Variants in UBE2E1 observed in about 807,000 individuals in gnomAD.
UBE2E1 encodes ubiquitin conjugating enzyme E2 E1.
A neutral mutation model predicts 21.4 loss-of-function variants in UBE2E1; 6 were observed. The ratio of observed to expected loss-of-function variants is 0.28; its 90% confidence interval spans 0.15 to 0.55. The LOEUF (loss-of-function observed/expected upper bound fraction) is 0.55, where lower values mean the gene tolerates loss of function less well. UBE2E1 is among the 20% of genes least tolerant of loss of function. The pLI is 0.93. For synonymous variants in UBE2E1, 87 were observed against 82.7 expected (o/e 1.05, Z -0.28); for missense variants, 142 against 236.5 (o/e 0.60, Z 2.62).
chr3:23,815,897 C>T (rs1440676405), intron 3 of UBE2E1, among the ~76,000 whole-genome samples: 1 of 152,108 alleles, frequency 6.6e-6, no homozygotes, highest in East Asian at 1.9e-4. Flanking sequence ...GTGTGTATAC[C>T]TTTATGCATG....
intron 3 of UBE2E1, among the ~76,000 whole-genome samples, chr3:23,826,646 T>C (rs973765669): frequency 6.6e-6 from 1 of 152,214 alleles, no homozygotes; most frequent in Non-Finnish European, 1.5e-5. Context: ...CCCAAATCTG[T>C]GATATGACTA....
At position 23,876,112 on chromosome 3, in the gene UBE2E1, G is replaced by C. The variant is rs1056719894; in HGVS notation, c.204-11455G>C. The stretch of plus-strand genomic sequence containing the variant: ...GTGTGTGGGTACTAGTTTTTCTGGG[G>C]AGCCCTTTAGGTTGGCTCTAGGTCT... On this transcript the variant is annotated intron_variant, in intron 3 of 5. Transcript: ENST00000306627. The surrounding 1 kb of genome is among the most constrained non-coding windows in gnomAD (Gnocchi z 4.3). Among the ~76,000 whole-genome samples, 3 of 152,276 alleles carry C rather than the reference G, an allele frequency of 2.0e-5. No individual in the cohort carries two copies. In the South Asian group the frequency reaches 6.2e-4, roughly 32 times the overall value.
intron 3 of UBE2E1, among the ~76,000 whole-genome samples, chr3:23,837,380 A>G (rs1054677573): frequency 1.3e-5 from 2 of 152,206 alleles, no homozygotes; most frequent in Non-Finnish European, 2.9e-5. Flanking sequence ...CAAACCCAGC[A>G]CTAATACTTG....
intron 3 of UBE2E1, among the ~76,000 whole-genome samples, chr3:23,884,542 A>G (rs553060822): frequency 1.9e-4 from 29 of 152,180 alleles, no homozygotes; most frequent in Admixed American, 5.9e-4. Flanking sequence ...GGAATCACCA[A>G]TTTTCTGTAC....
intron 3 of UBE2E1, among the ~76,000 whole-genome samples, chr3:23,845,652 A>G (rs1365318888): frequency 7.6e-6 from 1 of 131,362 alleles, no homozygotes. Context: ...TTTTCTTTTT[A>G]AACAAAACCT....
rs942231509 is a variant in UBE2E1, at chr3:23,876,814, C to G, written c.204-10753C>G. Among the ~76,000 whole-genome samples, 3 of 152,028 alleles carry G rather than the reference C, an allele frequency of 2.0e-5. No individual in the cohort carries two copies. Among genetic ancestry groups the G allele is most frequent in the Non-Finnish European group, 4.4e-5 (3 of 67,990 alleles). ...AATGTCAGTGCTTTCAGAGGCCAAGCAGAAGTATCGCTTGAGCCCAGGAGT... is the reference window on the plus strand; with the variant it reads ...AATGTCAGTGCTTTCAGAGGCCAAGGAGAAGTATCGCTTGAGCCCAGGAGT... On this transcript the variant is annotated intron_variant, in intron 3 of 5. Transcript: ENST00000306627. The surrounding 1 kb of genome is among the most constrained non-coding windows in gnomAD (Gnocchi z 4.3).
At chr3:23,849,702 G>A (rs1335462825) in intron 3 of UBE2E1, among the ~76,000 whole-genome samples, 7 of 152,074 alleles carry the variant, frequency 4.6e-5, no homozygotes, top group Non-Finnish European at 8.8e-5. Flanking sequence ...CTTTTTTATG[G>A]CTGCATAGTA....
intron 3 of UBE2E1, among the ~76,000 whole-genome samples, chr3:23,849,820 G>A (rs995658067): frequency 1.3e-5 from 2 of 152,150 alleles, no homozygotes; most frequent in African/African-American, 4.8e-5. Context: ...ATAAACGTAT[G>A]TGTGCAGTGT....
chr3:23,888,918 A>G (rs535844806), intron 4 of UBE2E1, among the ~76,000 whole-genome samples, 194 bp from the exon 5 acceptor site: 30 of 152,374 alleles, frequency 2.0e-4, no homozygotes, highest in African/African-American at 7.0e-4. Context: ...GTCAGTGGAC[A>G]TAACATTTTA....
Position 23,853,037 on chromosome 3 carries a change from C to G in UBE2E1, c.204-34530C>G, listed in dbSNP as rs140115887. Among the ~76,000 whole-genome samples the G allele has an allele frequency of 2.7e-3, 409 of 152,244 alleles. 4 individuals are homozygous for G. Among genetic ancestry groups the G allele is most frequent in the African/African-American group, 9.1e-3 (377 of 41,538 alleles). ...GTTCAAGTGATTCTCCTGCCTCAGC[C>G]TCCCAAGTAGCTGGGATTACAGGCA... On this transcript the variant is annotated intron_variant, in intron 3 of 5. Coordinates refer to ENST00000306627, the MANE Select transcript of UBE2E1 (RefSeq NM_003341.5). This position sits in a 1 kb window ranked among gnomAD's most constrained non-coding sequence, Gnocchi z 4.1.
chr3:23,828,078 C>T (rs1446638168), intron 3 of UBE2E1, among the ~76,000 whole-genome samples: 2 of 152,164 alleles, frequency 1.3e-5, no homozygotes, highest in African/African-American at 4.8e-5. Flanking sequence ...AAACATTTAT[C>T]ACATTGAGTT....
Position 23,863,905 on chromosome 3 carries a change from ACT to A in UBE2E1, c.204-23659_204-23658del, listed in dbSNP as rs1445695945. 1.3e-5 allele frequency among the ~76,000 whole-genome samples: 2 copies of A among 151,928 alleles called. No homozygotes were observed. Among genetic ancestry groups the A allele is most frequent in the African/African-American group, 2.4e-5 (1 of 41,336 alleles). Reference sequence around the variant, plus strand: ...TCTGGTTTTAACAGGCTACCTGCTAACTCTGTTTATAGCTGTCATACCGGATT... The same window carrying A: ...TCTGGTTTTAACAGGCTACCTGCTAACTGTTTATAGCTGTCATACCGGATT... On this transcript the variant is annotated intron_variant, in intron 3 of 5. Transcript: ENST00000306627. This position sits in a 1 kb window ranked among gnomAD's most constrained non-coding sequence, Gnocchi z 4.3.
chr3:23,814,635 C>T (rs1255517826), intron 3 of UBE2E1, among the ~76,000 whole-genome samples: 1 of 152,148 alleles, frequency 6.6e-6, no homozygotes, highest in East Asian at 1.9e-4. Context: ...CTAAAGCGTG[C>T]CAGATCTTAG....
Position 23,890,681 on chromosome 3 carries a change from A to C in UBE2E1, c.*75A>C. On this transcript the variant is annotated 3_prime_UTR_variant, in exon 6 of 6. Coordinates refer to ENST00000306627, the MANE Select transcript of UBE2E1 (RefSeq NM_003341.5). ...GCTTATGATTTTGAAGGGGTCAGGG[A>C]GGGTGGGAGTTGGTAAAGAGTAGGG... 6.7e-6 allele frequency: 4 copies of C among 595,716 alleles called. No homozygotes were observed. Among genetic ancestry groups the C allele is most frequent in the Non-Finnish European group, 1.2e-5 (4 of 345,502 alleles). 36.9% of individuals were successfully genotyped at this position (595,716 alleles called of 1,614,324 possible). A position where few individuals can be genotyped will look rare whatever the true frequency, so the allele number is the denominator to read the frequency against.
intron 3 of UBE2E1, among the ~76,000 whole-genome samples, chr3:23,835,326 G>C (rs78598030): frequency 8.9e-4 from 135 of 152,248 alleles, no homozygotes; most frequent in Non-Finnish European, 1.4e-3. Flanking sequence ...AAATTAGCTA[G>C]ATGTGCTGGT....
chr3:23,848,476 A>C (rs536442515), intron 3 of UBE2E1, among the ~76,000 whole-genome samples: 3,111 of 152,188 alleles, frequency 0.02, 97 homozygotes, highest in Admixed American at 0.09. Flanking sequence ...TCTCAAAAAA[A>C]AAAAAACAAA....
chr3:23,890,429 C>T (rs1398456445), intron 5 of UBE2E1, 80 bp from the exon 6 acceptor site: 11 of 1,361,224 alleles, frequency 8.1e-6, no homozygotes, highest in Non-Finnish European at 1.1e-5. Context: ...TCGTACGTAT[C>T]TACCCAAGCT....
chr3:23,846,400 T>TA (rs1467961221), intron 3 of UBE2E1, among the ~76,000 whole-genome samples: 6 of 151,618 alleles, frequency 4.0e-5, no homozygotes, highest in Admixed American at 6.6e-5. Context: ...CACAGTCTCT[T>TA]AAAAAAGAGA....
chr3:23,832,866 T>C (rs1436699020), intron 3 of UBE2E1, among the ~76,000 whole-genome samples: 1 of 151,956 alleles, frequency 6.6e-6, no homozygotes, highest in Admixed American at 6.6e-5. Flanking sequence ...CCCCCATCTC[T>C]ACAAAACAAA....
Sources: allele counts gnomAD v4.1 joint callset (sites outside exome capture counted in the v4.1 genomes callset), GRCh38; gene constraint gnomAD v4.1.1; non-coding constraint Gnocchi (gnomAD v3.1); transcripts MANE v1.5; gene names NCBI Gene and HGNC (gene_info 2026-07-23, HGNC 2026-07-21).